TNIK: variants seen among roughly 807,000 people sequenced by gnomAD.
The protein encoded by TNIK is TRAF2 and NCK interacting kinase, also known as TRAF2 and NCK-interacting protein kinase.
In TNIK, 49 loss-of-function variants were observed where a neutral mutation model predicts 191.3. The observed-to-expected ratio is 0.26, with a 90% CI of 0.20 to 0.32. TNIK has a LOEUF of 0.32. Among genes scored for constraint, TNIK ranks in the 10% least tolerant of loss-of-function variants. The pLI is 1.00. For synonymous variants in TNIK, 594 were observed against 600.9 expected (o/e 0.99, Z 0.17); for missense variants, 1,155 against 1,702.3 (o/e 0.68, Z 5.66).
At chr3:171,338,812 C>T (rs1224455870) in intron 2 of TNIK, among the ~76,000 whole-genome samples, 1 of 151,964 alleles carries the variant, frequency 6.6e-6, no homozygotes, top group African/African-American at 2.4e-5. Context: ...CCTAAGTGTG[C>T]TTATCTCTTT....
chr3:171,365,549 T>G (rs1715620458), intron 2 of TNIK, among the ~76,000 whole-genome samples: 1 of 152,028 alleles, frequency 6.6e-6, no homozygotes, highest in South Asian at 2.1e-4. Context: ...AGGTATGAAA[T>G]GGGGTTGAAA....
chr3:171,432,776 C>T (rs114787467), intron 1 of TNIK, among the ~76,000 whole-genome samples: 272 of 152,162 alleles, frequency 1.8e-3, no homozygotes, highest in African/African-American at 6.2e-3. Context: ...AAATCTATTC[C>T]AAGTATACAT....
chr3:171,385,808 T>C (rs1457626269), intron 1 of TNIK, among the ~76,000 whole-genome samples: 1 of 152,230 alleles, frequency 6.6e-6, no homozygotes, highest in Non-Finnish European at 1.5e-5. Flanking sequence ...CTTTAAATTA[T>C]TTCTAGAAAT....
intron 2 of TNIK, among the ~76,000 whole-genome samples, chr3:171,354,190 T>C (rs1040860673): frequency 2.0e-5 from 3 of 152,172 alleles, no homozygotes; most frequent in Non-Finnish European, 4.4e-5. Context: ...TGTATAGCTA[T>C]CCTTGTTTTA....
intron 2 of TNIK, among the ~76,000 whole-genome samples, chr3:171,248,155 A>G (rs1468548495): frequency 6.6e-6 from 1 of 152,176 alleles, no homozygotes; most frequent in Non-Finnish European, 1.5e-5. Flanking sequence ...GACCTGTGGG[A>G]TATTTACCCA....
intron 1 of TNIK, among the ~76,000 whole-genome samples, chr3:171,417,348 T>C (rs1348627121): frequency 1.3e-5 from 2 of 152,162 alleles, no homozygotes; most frequent in Non-Finnish European, 2.9e-5. Context: ...TATCTATCTC[T>C]GCTAACAAAG....
At chr3:171,391,667 AT>A (rs1719524746) in intron 1 of TNIK, among the ~76,000 whole-genome samples, 1 of 152,178 alleles carries the variant, frequency 6.6e-6, no homozygotes, top group African/African-American at 2.4e-5. Flanking sequence ...TAAGCCCCCA[AT>A]TCTAACCACT....
intron 2 of TNIK, among the ~76,000 whole-genome samples, chr3:171,307,311 C>T (rs577511863): frequency 4.6e-5 from 7 of 152,198 alleles, no homozygotes; most frequent in African/African-American, 1.7e-4. Context: ...AACCCTGCAT[C>T]CAGCCTCATC....
intron 4 of TNIK, among the ~76,000 whole-genome samples, chr3:171,209,064 GGTGTGTGTGTGTGTGTGT>G (rs61264225): frequency 7.0e-6 from 1 of 142,016 alleles, no homozygotes; most frequent in Non-Finnish European, 1.5e-5. Flanking sequence ...CTTTGGAAGG[GGTGTGTGTGTGTGTGTGT>G]GTGTGTGTGT....
In TNIK at chr3:171,151,698, T is replaced by C. The variant is rs552030225; in HGVS notation, c.1221+5762A>G. Among the ~76,000 whole-genome samples the C allele has an allele frequency of 1.1e-4, 17 of 152,328 alleles. No homozygotes were observed. In the South Asian group the frequency reaches 3.5e-3, roughly 32 times the overall value. On this transcript the variant is annotated intron_variant, in intron 12 of 32. Coordinates refer to ENST00000436636, the MANE Select transcript of TNIK (RefSeq NM_015028.4). ...TGGCAGTCTTAGGCTCTAGAGTCTA[T>C]GCTGTTAACCAAAATACAATTTCAC...
chr3:171,410,778 C>CAAAAAA (rs55965220), intron 1 of TNIK, among the ~76,000 whole-genome samples: 1 of 73,910 alleles, frequency 1.4e-5, no homozygotes, highest in Non-Finnish European at 2.4e-5. Flanking sequence ...GACTCCATCT[C>CAAAAAA]AAAAAAAAAA....
intron 2 of TNIK, among the ~76,000 whole-genome samples, chr3:171,342,483 C>A (rs762115915): frequency 5.9e-5 from 9 of 151,956 alleles, no homozygotes; most frequent in Non-Finnish European, 7.4e-5. Flanking sequence ...CTTATGGTAC[C>A]AGAAAATGAG....
intron 2 of TNIK, among the ~76,000 whole-genome samples, chr3:171,357,354 T>G (rs958987668): frequency 6.6e-6 from 1 of 151,626 alleles, no homozygotes; most frequent in Non-Finnish European, 1.5e-5. Flanking sequence ...AGTGGCATGA[T>G]CTCAGCTCAT....
At chr3:171,426,798 TA>T (rs1442236279) in intron 1 of TNIK, among the ~76,000 whole-genome samples, 1 of 152,044 alleles carries the variant, frequency 6.6e-6, no homozygotes, top group East Asian at 1.9e-4. Flanking sequence ...AGTCCAGCCT[TA>T]GGCAAAGGTG....
At chr3:171,347,701 G>A (rs1013900301) in intron 2 of TNIK, among the ~76,000 whole-genome samples, 2 of 152,106 alleles carry the variant, frequency 1.3e-5, no homozygotes, top group African/African-American at 4.8e-5. Context: ...TTAGAAATCA[G>A]AACTGATCTC....
At chr3:171,333,201 T>C (rs1340727548) in intron 2 of TNIK, among the ~76,000 whole-genome samples, 4 of 151,886 alleles carry the variant, frequency 2.6e-5, no homozygotes, top group Non-Finnish European at 5.9e-5. Context: ...ATTTTAAATA[T>C]GAATATTTTG....
intron 15 of TNIK, 147 bp from the exon 16 acceptor site, chr3:171,129,025 T>C: frequency 7.7e-7 from 1 of 1,300,194 alleles, no homozygotes; most frequent in Non-Finnish European, 1.0e-6. Flanking sequence ...CTGTGCTGCA[T>C]CAAGAGTTTG....
intron 16 of TNIK, among the ~76,000 whole-genome samples, chr3:171,126,838 C>T (rs1402716167): frequency 6.6e-6 from 1 of 152,208 alleles, no homozygotes; most frequent in African/African-American, 2.4e-5. Flanking sequence ...AGTATCTCAA[C>T]TAGGCCAACT....
chr3:171,447,185 C>T (rs1410893401), intron 1 of TNIK, among the ~76,000 whole-genome samples: 2 of 151,814 alleles, frequency 1.3e-5, no homozygotes, highest in African/African-American at 4.8e-5. Context: ...AGCTAGACTC[C>T]ATCTCAAACA....
Sources: allele counts gnomAD v4.1 joint callset (sites outside exome capture counted in the v4.1 genomes callset), GRCh38; gene constraint gnomAD v4.1.1; transcripts MANE v1.5; gene names NCBI Gene and HGNC (gene_info 2026-07-23, HGNC 2026-07-21).